Variants in CENPP observed in about 807,000 individuals in gnomAD.
The protein encoded by CENPP is centromere protein P.
In CENPP, 24 loss-of-function variants were observed where a neutral mutation model predicts 35.6. That is an observed-to-expected ratio of 0.67 (90% confidence interval 0.49 to 0.95). CENPP has a LOEUF of 0.95. Among genes scored for constraint, CENPP ranks in the 40% least tolerant of loss-of-function variants. The pLI is 0.00. For synonymous variants in CENPP, 120 were observed against 125.5 expected, an observed-to-expected ratio of 0.96 and a Z score of 0.29; for missense variants, 332 against 345.3, an observed-to-expected ratio of 0.96 and a Z score of 0.31.
At chr9:92,417,619 C>T (rs1843657850) in intron 5 of CENPP, 2 of 959,924 alleles carry the variant, frequency 2.1e-6, no homozygotes, top group Admixed American at 5.2e-5. Context: ...AGTGAGTAAA[C>T]TCAGAATACG....
At chr9:92,436,777 T>A (rs1844254815) in intron 5 of CENPP, among the ~76,000 whole-genome samples, 1 of 152,244 alleles carries the variant, frequency 6.6e-6, no homozygotes, top group Non-Finnish European at 1.5e-5. Context: ...TCTTGATTAC[T>A]ATAGTTATAT....
intron 5 of CENPP, chr9:92,457,087 T>C: frequency 1.5e-6 from 2 of 1,358,412 alleles, no homozygotes; most frequent in Non-Finnish European, 1.9e-6. Flanking sequence ...AATAGATGCT[T>C]GTTTCTCTCA....
At chr9:92,417,463 G>C (rs777700885) in intron 5 of CENPP, 1 of 1,613,784 alleles carries the variant, frequency 6.2e-7, no homozygotes, top group South Asian at 1.1e-5. Context: ...CTGGCTCTTG[G>C]TCATAGTCTT....
At chr9:92,597,691 A>G (rs561425917) in intron 5 of CENPP, among the ~76,000 whole-genome samples, 1 of 152,350 alleles carries the variant, frequency 6.6e-6, no homozygotes, top group Admixed American at 6.5e-5. Flanking sequence ...TTTAAAATAA[A>G]CCAACTTGGC....
At chr9:92,425,830 T>C (rs566954568) in intron 5 of CENPP, among the ~76,000 whole-genome samples, 3 of 152,348 alleles carry the variant, frequency 2.0e-5, no homozygotes. Context: ...TTAGTGTCTT[T>C]GTTCTTAAAA....
At chr9:92,454,788 T>TCCAA (rs1844826262) in intron 5 of CENPP, among the ~76,000 whole-genome samples, 2 of 152,316 alleles carry the variant, frequency 1.3e-5, no homozygotes, top group South Asian at 4.1e-4. Context: ...TGCCCAAGAC[T>TCCAA]ATAAATGGAA....
chr9:92,594,250 G>A (rs1205657941), intron 5 of CENPP, among the ~76,000 whole-genome samples: 1 of 152,088 alleles, frequency 6.6e-6, no homozygotes, highest in Non-Finnish European at 1.5e-5. Context: ...TTAGTTTTAG[G>A]GTCAGCCCAC....
At chr9:92,526,490 A>G (rs1009836197) in intron 5 of CENPP, among the ~76,000 whole-genome samples, 1 of 152,124 alleles carries the variant, frequency 6.6e-6, no homozygotes, top group African/African-American at 2.4e-5. Context: ...GAAAAACTTC[A>G]TATAAACAAC....
At chr9:92,525,757 G>A (rs1848356420) in intron 5 of CENPP, among the ~76,000 whole-genome samples, 1 of 151,904 alleles carries the variant, frequency 6.6e-6, no homozygotes, top group African/African-American at 2.4e-5. Context: ...GTGTGTGGTG[G>A]TGCACGCCTG....
At chr9:92,417,256 A>G (rs374762707) in intron 5 of CENPP, 135 of 1,613,910 alleles carry the variant, frequency 8.4e-5, no homozygotes, top group Non-Finnish European at 1.0e-4. Context: ...CCTCAATTTC[A>G]TTGAACTGAA....
intron 5 of CENPP, among the ~76,000 whole-genome samples, chr9:92,396,548 T>A (rs1360527017): frequency 1.5e-5 from 2 of 130,208 alleles, no homozygotes; most frequent in East Asian, 4.7e-4. Context: ...GATTTCAGTG[T>A]ACAGGCCTTA....
At chr9:92,433,392 G>A (rs1233461847) in intron 5 of CENPP, among the ~76,000 whole-genome samples, 1 of 152,064 alleles carries the variant, frequency 6.6e-6, no homozygotes, top group Admixed American at 6.6e-5. Context: ...ATCAGTTTTC[G>A]GTTTGACTGG....
intron 5 of CENPP, among the ~76,000 whole-genome samples, chr9:92,564,242 AGCCAGG>A (rs1849911409): frequency 6.6e-6 from 1 of 152,040 alleles, no homozygotes; most frequent in Non-Finnish European, 1.5e-5. Context: ...ACAAAAATTT[AGCCAGG>A]TGTGATGGCG....
chr9:92,512,107 G>C, intron 5 of CENPP: 1 of 1,613,622 alleles, frequency 6.2e-7, no homozygotes, highest in Non-Finnish European at 8.5e-7. Flanking sequence ...CTTCATCTGG[G>C]ATGGAGGCGA....
intron 5 of CENPP, among the ~76,000 whole-genome samples, chr9:92,458,019 C>A (rs571120771): frequency 6.6e-6 from 1 of 151,992 alleles, no homozygotes; most frequent in Non-Finnish European, 1.5e-5. Context: ...TTTCTGTGAC[C>A]AAAGGAGAAT....
At chr9:92,599,338 C>A (rs748570991) in intron 5 of CENPP, among the ~76,000 whole-genome samples, 1 of 152,210 alleles carries the variant, frequency 6.6e-6, no homozygotes, top group African/African-American at 2.4e-5. Flanking sequence ...CCGTCCGACA[C>A]CAGCCCCTGG....
chr9:92,422,137 G>A (rs1324148441), intron 5 of CENPP, among the ~76,000 whole-genome samples: 3 of 151,380 alleles, frequency 2.0e-5, no homozygotes, highest in Non-Finnish European at 4.4e-5. Flanking sequence ...TGCAACCTCC[G>A]CCTCCCAGGC....
chr9:92,540,363 AG>A (rs1198215548), intron 5 of CENPP, among the ~76,000 whole-genome samples: 2 of 148,434 alleles, frequency 1.3e-5, no homozygotes, highest in African/African-American at 5.0e-5. Flanking sequence ...CCTTGAACCC[AG>A]GCGGCAAAGG....
At chr9:92,510,250 T>C (rs961067939) in intron 5 of CENPP, among the ~76,000 whole-genome samples, 2 of 152,208 alleles carry the variant, frequency 1.3e-5, no homozygotes, top group African/African-American at 4.8e-5. Context: ...CAGACTACAT[T>C]TGATTATTTT....
Sources: allele counts gnomAD v4.1 joint callset (sites outside exome capture counted in the v4.1 genomes callset), GRCh38; gene constraint gnomAD v4.1.1; transcripts MANE v1.5; gene names NCBI Gene and HGNC (gene_info 2026-07-23, HGNC 2026-07-21).